Variants in RTTN observed in about 807,000 individuals in gnomAD.
The protein encoded by RTTN is rotatin.
A neutral mutation model predicts 269.2 loss-of-function variants in RTTN; 182 were observed. The ratio of observed to expected loss-of-function variants is 0.68; its 90% CI spans 0.60 to 0.76. RTTN has a LOEUF of 0.76. Among genes scored for constraint, RTTN ranks in the 30% least tolerant of loss-of-function variants. The pLI is 0.00. For missense variants in RTTN, 2,545 were observed against 2,608.6 expected (o/e 0.98, Z 0.53); for synonymous variants, 1,006 against 963.5 (o/e 1.04, Z -0.82).
In RTTN at chr18:70,032,523, T is replaced by C. The variant is rs115181607; in HGVS notation, c.5542-1542A>G. On this transcript the variant is annotated intron_variant, in intron 40 of 48. Coordinates refer to ENST00000640769, the MANE Select transcript of RTTN (RefSeq NM_173630.4). ...AATGAAAAACAGAAAAAAGCAGGGATTGCAATTCTAATTTCAGACAAAATA... is the reference window on the plus strand; with the variant it reads ...AATGAAAAACAGAAAAAAGCAGGGACTGCAATTCTAATTTCAGACAAAATA... 7.0e-3 allele frequency among the ~76,000 whole-genome samples: 1,065 copies of C among 152,118 alleles called. 9 individuals are homozygous for C. Among genetic ancestry groups the C allele is most frequent in the African/African-American group, 0.024 (998 of 41,490 alleles).
At chr18:70,097,720 C>T (rs2059039508) in intron 28 of RTTN, among the ~76,000 whole-genome samples, 1 of 152,154 alleles carries the variant, frequency 6.6e-6, no homozygotes, top group Non-Finnish European at 1.5e-5. Context: ...ATTTTATTAC[C>T]TCAAAGACAA....
At chr18:70,070,840 A>T (rs934988536) in intron 34 of RTTN, among the ~76,000 whole-genome samples, 2 of 152,180 alleles carry the variant, frequency 1.3e-5, no homozygotes. Flanking sequence ...TCTCAAGTAG[A>T]CTTTTGTCAT....
intron 8 of RTTN, among the ~76,000 whole-genome samples, chr18:70,191,446 C>CA (rs1467603227): frequency 2.0e-5 from 3 of 152,144 alleles, no homozygotes; most frequent in African/African-American, 7.2e-5. Context: ...CTGAGTAAGC[C>CA]AGTGTTAGTA....
chr18:70,199,966 G>A (rs1046413250), intron 4 of RTTN, among the ~76,000 whole-genome samples: 3 of 152,194 alleles, frequency 2.0e-5, no homozygotes, highest in Non-Finnish European at 4.4e-5. Context: ...TTAAACCTCT[G>A]CGAAGATGAC....
Position 70,088,103 on chromosome 18 carries a change from A to T in RTTN, c.4188T>A (p.Leu1396=). ...TTGCTAAGGCCACACAGCCCGTTTC[A>T]AGGGTGGTCAGTGCTGATCCTAATC... ...SLGLGSALTT[L]ETGCVALANS... Residue 1396 remains leucine (L), a synonymous_variant, in exon 31 of 49, where the codon CTT becomes CTA. Transcript: ENST00000640769. The T allele has an allele frequency of 1.2e-6, 2 of 1,613,946 alleles. No homozygotes were observed. Among genetic ancestry groups the T allele is most frequent in the South Asian group, 2.2e-5 (2 of 91,074 alleles).
At chr18:70,100,867 G>C (rs763152567) in intron 28 of RTTN, among the ~76,000 whole-genome samples, 22 of 152,186 alleles carry the variant, frequency 1.4e-4, no homozygotes, top group Non-Finnish European at 7.3e-5. Context: ...CTGTTTATAT[G>C]ATGGGTTACG....
intron 17 of RTTN, among the ~76,000 whole-genome samples, chr18:70,147,388 G>A (rs1447184388): frequency 6.6e-6 from 1 of 150,730 alleles, no homozygotes; most frequent in African/African-American, 2.5e-5. Flanking sequence ...AGAAGCAATA[G>A]GCTATAGGAT....
At chr18:70,142,997 C>T (rs1274535309) in intron 18 of RTTN, among the ~76,000 whole-genome samples, 2 of 152,122 alleles carry the variant, frequency 1.3e-5, no homozygotes, top group Non-Finnish European at 2.9e-5. Context: ...TGCACTCCAA[C>T]CTGGGCAACA....
intron 48 of RTTN, among the ~76,000 whole-genome samples, chr18:70,004,728 C>T (rs1025717211): frequency 2.0e-5 from 3 of 152,154 alleles, no homozygotes; most frequent in African/African-American, 7.2e-5. Flanking sequence ...ATAACGCTCA[C>T]TGAAATTTGG....
At chr18:70,134,327 T>C in intron 23 of RTTN, 146 bp downstream of exon 23, 1 of 648,308 alleles carries the variant, frequency 1.5e-6, no homozygotes, top group East Asian at 3.0e-5. Flanking sequence ...ACTGAAATCT[T>C]CAAAGCACCA....
At chr18:70,205,436 T>G (rs2062052749) in intron 1 of RTTN, 121 bp from the exon 2 acceptor site, 1 of 1,411,366 alleles carries the variant, frequency 7.1e-7, no homozygotes, top group Admixed American at 1.8e-5. Flanking sequence ...AGCAGGCCAC[T>G]GGTGCCTTCG....
Position 70,164,957 on chromosome 18 carries a change from A to C in RTTN, c.1929+1105T>G, listed in dbSNP as rs115360549. ...AAAGAAATCATAATTAACTGATATCAGACTTCTCAACAATGATAGAAGCCG... is the reference window on the plus strand; with the variant it reads ...AAAGAAATCATAATTAACTGATATCCGACTTCTCAACAATGATAGAAGCCG... On this transcript the variant is annotated intron_variant, in intron 14 of 48. Transcript: ENST00000640769. Among the ~76,000 whole-genome samples, 987 of 152,354 alleles carry C rather than the reference A, an allele frequency of 6.5e-3. 9 individuals are homozygous for C. Among genetic ancestry groups the C allele is most frequent in the African/African-American group, 0.022 (920 of 41,578 alleles).
In RTTN at chr18:70,190,476, T is replaced by A; in HGVS notation, c.1189+62A>T. 5 of 1,322,002 alleles carry A rather than the reference T, an allele frequency of 3.8e-6. No homozygotes were observed. The South Asian group carries it at 5.4e-5, about 14-fold the overall frequency. The allele number at this position is 1,322,002 out of a possible 1,614,324, so 81.9% of individuals were successfully genotyped here. On this transcript the variant is annotated intron_variant, in intron 9 of 48. Coordinates refer to ENST00000640769, the MANE Select transcript of RTTN (RefSeq NM_173630.4). ...AACATAGAAGAGAAAAAAAGGAAAATCCTAACGAAATACAAAACAGACACA... is the reference window on the plus strand; with the variant it reads ...AACATAGAAGAGAAAAAAAGGAAAAACCTAACGAAATACAAAACAGACACA...
Position 70,121,694 on chromosome 18 carries a change from T to C in RTTN, c.3390A>G (p.Leu1130=), listed in dbSNP as rs370872193. Residue 1130 remains leucine (L), a synonymous_variant, in exon 26 of 49, where the codon TTA becomes TTG. Coordinates refer to ENST00000640769, the MANE Select transcript of RTTN (RefSeq NM_173630.4). The stretch of plus-strand genomic sequence containing the variant: ...CTTCAGTGCAAGCAGGAAGCACCTG[T>C]AAAAACCTATAATGAAAAGACAATA... The part of the protein sequence containing the change: ...LAWHTALNRF[L]QVLPACTEDE... The C allele has an allele frequency of 2.1e-5, 33 of 1,542,980 alleles. No individual in the cohort carries two copies. Among genetic ancestry groups the C allele is most frequent in the Non-Finnish European group, 4.3e-6 (5 of 1,150,964 alleles).
At chr18:70,054,394 A>T (rs891835147) in intron 37 of RTTN, 110 bp from the exon 38 acceptor site, 5 of 1,040,108 alleles carry the variant, frequency 4.8e-6, no homozygotes, top group East Asian at 2.6e-5. Flanking sequence ...ATTAACCATA[A>T]TTTTTCAAGA....
chr18:70,113,413 A>G (rs934982471), intron 27 of RTTN, among the ~76,000 whole-genome samples: 3 of 152,216 alleles, frequency 2.0e-5, no homozygotes, highest in Non-Finnish European at 4.4e-5. Context: ...AAGAAAATGA[A>G]ACACTCATAC....
intron 32 of RTTN, among the ~76,000 whole-genome samples, chr18:70,077,778 T>A (rs2058466053): frequency 6.6e-6 from 1 of 151,894 alleles, no homozygotes; most frequent in African/African-American, 2.4e-5. Context: ...TCTGTTCTAT[T>A]TTTCCTCTGT....
At chr18:70,069,647 T>C (rs778662473) in intron 34 of RTTN, among the ~76,000 whole-genome samples, 3 of 152,244 alleles carry the variant, frequency 2.0e-5, no homozygotes, top group Non-Finnish European at 2.9e-5. Context: ...AAGCAAGTGA[T>C]TTCACTAGAC....
chr18:70,145,177 G>A (rs1411422738), intron 18 of RTTN, among the ~76,000 whole-genome samples: 1 of 152,182 alleles, frequency 6.6e-6, no homozygotes, highest in African/African-American at 2.4e-5. Flanking sequence ...AATGTCTGAT[G>A]ATCTGTCACT....
Sources: allele counts gnomAD v4.1 joint callset (sites outside exome capture counted in the v4.1 genomes callset), GRCh38; gene constraint gnomAD v4.1.1; transcripts MANE v1.5; gene names NCBI Gene and HGNC (gene_info 2026-07-23, HGNC 2026-07-21).